Variants in COL6A2 observed in about 807,000 individuals in gnomAD.
COL6A2 encodes the protein collagen type VI alpha 2 chain.
In COL6A2, 90 loss-of-function variants were observed where a neutral mutation model predicts 124.9. The ratio of observed to expected loss-of-function variants is 0.72; its 90% CI spans 0.61 to 0.86. The LOEUF (loss-of-function observed/expected upper bound fraction) is 0.86, where lower values mean the gene tolerates loss of function less well. Ranked by LOEUF, COL6A2 falls within the 40% of genes least tolerant of loss-of-function variation. COL6A2 has a pLI of 0.00. For missense variants in COL6A2, 1,607 were observed against 1,502.5 expected (o/e 1.07, Z -1.15); for synonymous variants, 793 against 618.2 (o/e 1.28, Z -4.19).
rs750794022 is a variant in COL6A2 at position 46,132,487 on chromosome 21, GAGA to G, written c.2998_3000del (p.Lys1000del). On this transcript the variant is annotated inframe_deletion, in exon 28 of 28. Coordinates refer to ENST00000300527, the MANE Select transcript of COL6A2 (RefSeq NM_001849.4). ...GGGTGACCGCGCCGCCGTGTTCCAC[GAGA>G]AGGACTATGACAGCCTGGCGCAACC... The G allele has an allele frequency of 4.8e-5, 77 of 1,607,296 alleles. No homozygotes were observed. In the African/African-American group the frequency reaches 5.1e-4, roughly 11 times the overall value.
chr21:46,112,773 C>G, intron 3 of COL6A2, 31 bp from the exon 4 acceptor site: 1 of 1,613,738 alleles, frequency 6.2e-7, no homozygotes, highest in Non-Finnish European at 8.5e-7. Flanking sequence ...TCGAGGCACA[C>G]GGCTAACCAG....
At chr21:46,107,358 G>T (rs1482539807) in intron 1 of COL6A2, among the ~76,000 whole-genome samples, 1 of 151,856 alleles carries the variant, frequency 6.6e-6, no homozygotes, top group East Asian at 1.9e-4. Context: ...TATATGCTGT[G>T]ACTTACTTTC....
chr21:46,121,571 C>T lies in COL6A2; in HGVS notation c.1474C>T (p.Pro492Ser), dbSNP rs778917725. The change falls in exon 18 of 28, where the codon CCC becomes TCC. Residue 492 changes from proline (P) to serine (S), a missense_variant. Physicochemically the swap from Pro to Ser is moderately conservative, Grantham distance 74. This residue lies in a region of COL6A2 where 1,223 missense variants were observed against 1,052.2 expected (regional missense o/e 1.16). Transcript: ENST00000300527. ...CTGCCCTCAGGGATCTCGGGGAGAC[C>T]CCGGTGATGCAGGACCCCGTGGAGA... is the stretch of plus-strand genomic sequence containing the variant. ...EPGKQGSRGDPGDAGPRGDSG... is the reference protein window; with the variant it reads ...EPGKQGSRGDSGDAGPRGDSG... 1.9e-6 allele frequency: 3 copies of T among 1,612,868 alleles called. No homozygotes were observed. Among genetic ancestry groups the T allele is most frequent in the Non-Finnish European group, 1.7e-6 (2 of 1,179,960 alleles).
At chr21:46,103,577 C>A (rs548890204) in intron 1 of COL6A2, among the ~76,000 whole-genome samples, 1 of 152,138 alleles carries the variant, frequency 6.6e-6, no homozygotes, top group Non-Finnish European at 1.5e-5. Context: ...CTTTCACTGT[C>A]GAACAAGTTT....
At chr21:46,123,705 A>C (rs1229225926) in intron 21 of COL6A2, among the ~76,000 whole-genome samples, 1 of 144,704 alleles carries the variant, frequency 6.9e-6, no homozygotes, top group Non-Finnish European at 1.5e-5. Flanking sequence ...AGGTGGGTAG[A>C]TGGATGGGTG....
At chr21:46,111,916 G>A (rs145563300) in intron 2 of COL6A2, 63 bp from the exon 3 acceptor site, 7 of 1,537,402 alleles carry the variant, frequency 4.6e-6, no homozygotes, top group African/African-American at 1.4e-5. Flanking sequence ...ACGGGGCCAG[G>A]AAACGGGGCT....
chr21:46,126,552 G>T lies in COL6A2; in HGVS notation c.2461+11G>T, dbSNP rs200484565. ...TTCCCTGCCAAACAGGTAATGCAGG[G>T]CACCCTGAGCCACCACCCCAGACTA... On this transcript the variant is annotated intron_variant, in intron 27 of 27. Transcript: ENST00000300527. The T allele has an allele frequency of 6.2e-7, 1 of 1,613,426 alleles. No homozygotes were observed. The highest frequency in any genetic ancestry group is 8.5e-7 in the Non-Finnish European group (1 of 1,179,932).
At chr21:46,128,726 G>C (rs1031436160) in intron 27 of COL6A2, among the ~76,000 whole-genome samples, 2 of 152,238 alleles carry the variant, frequency 1.3e-5, no homozygotes, top group African/African-American at 4.8e-5. Flanking sequence ...GCAGAGGCCA[G>C]GTCTGCTCAG....
intron 27 of COL6A2, among the ~76,000 whole-genome samples, chr21:46,128,433 G>A (rs7280485): frequency 0.33 from 49,542 of 152,124 alleles, 9,287 homozygotes; most frequent in Admixed American, 0.48. Context: ...CAGCCCACAC[G>A]GCCAGGCATC....
chr21:46,131,892 T>C, intron 27 of COL6A2, 62 bp from the exon 28 acceptor site: 1 of 1,448,628 alleles, frequency 6.9e-7, no homozygotes, highest in Non-Finnish European at 9.4e-7. Context: ...GGTGCGGGGC[T>C]GGCACCTGCC....
intron 27 of COL6A2, among the ~76,000 whole-genome samples, chr21:46,128,348 G>A (rs141795741): frequency 3.3e-5 from 5 of 152,336 alleles, no homozygotes; most frequent in Non-Finnish European, 5.9e-5. Context: ...CTTCCCAGCT[G>A]TTTCCAATTT....
At chr21:46,098,406 G>A (rs946671129) in intron 1 of COL6A2, among the ~76,000 whole-genome samples, 1 of 151,722 alleles carries the variant, frequency 6.6e-6, no homozygotes, top group African/African-American at 2.4e-5. Context: ...CGCGCGACTT[G>A]GGGCCACCTC....
intron 5 of COL6A2, 129 bp downstream of exon 5, chr21:46,114,202 G>A (rs967061123): frequency 5.5e-5 from 41 of 745,882 alleles, no homozygotes; most frequent in East Asian, 5.3e-5. Flanking sequence ...CGAGGCGGGC[G>A]GATCACAACG....
In COL6A2 at chr21:46,124,809, A is replaced by G. The variant is rs1296229992; in HGVS notation, c.1735-76A>G. 4 of 1,591,786 alleles carry G rather than the reference A, an allele frequency of 2.5e-6. No individual in the cohort carries two copies. In the African/African-American group the frequency reaches 4.0e-5, roughly 16 times the overall value. On this transcript the variant is annotated intron_variant, in intron 22 of 27. Transcript: ENST00000300527. ...TCTGCCCACGGTGGACCCACGTATCAGTGGGCAGTGGCCTGGGAGAGACTC... is the reference window on the plus strand; with the variant it reads ...TCTGCCCACGGTGGACCCACGTATCGGTGGGCAGTGGCCTGGGAGAGACTC...
chr21:46,110,708 C>G (rs2123610100), intron 1 of COL6A2, among the ~76,000 whole-genome samples: 1 of 151,578 alleles, frequency 6.6e-6, no homozygotes, highest in Non-Finnish European at 1.5e-5. Context: ...ACTGCACGCT[C>G]TGAACCAGGC....
In COL6A2 at chr21:46,116,327, G is replaced by C; in HGVS notation, c.901-50G>C. 1.2e-6 allele frequency: 2 copies of C among 1,606,896 alleles called. No individual in the cohort carries two copies. The highest frequency in any genetic ancestry group is 1.7e-6 in the Non-Finnish European group (2 of 1,175,654). ...CTGCAGGGCTGGCCCTTCCCTGCCT[G>C]TGTCTCTGCAGAGCTCCTCACTAAT... On this transcript the variant is annotated intron_variant, in intron 7 of 27. Coordinates refer to ENST00000300527, the MANE Select transcript of COL6A2 (RefSeq NM_001849.4). This position sits in a 1 kb window ranked among gnomAD's most constrained non-coding sequence, Gnocchi z 4.6.
chr21:46,127,767 C>T (rs554042715), intron 27 of COL6A2, among the ~76,000 whole-genome samples: 1 of 152,240 alleles, frequency 6.6e-6, no homozygotes, highest in Admixed American at 6.5e-5. Context: ...TGTGAGTGGC[C>T]GCTATGGCTT....
At chr21:46,122,730 T>G in intron 20 of COL6A2, 145 bp from the exon 21 acceptor site, 2 of 884,794 alleles carry the variant, frequency 2.3e-6, no homozygotes, top group Non-Finnish European at 3.3e-6. Flanking sequence ...TCAACCAAAG[T>G]TCAGGCTTTG....
rs768339045 is a variant in COL6A2 at position 46,132,190 on chromosome 21, G to A, written c.2698G>A (p.Ala900Thr). Reference protein sequence around the residue: ...VAFPLSHNLTAIHEALETTQY... With the variant: ...VAFPLSHNLTTIHEALETTQY... Reference sequence around the variant, plus strand: ...CTTCCCGCTGAGCCACAACCTCACGGCCATCCACGAGGCGCTGGAGACCAC... The same window carrying A: ...CTTCCCGCTGAGCCACAACCTCACGACCATCCACGAGGCGCTGGAGACCAC... Residue 900 changes from alanine to threonine, a missense_variant, in exon 28 of 28, where the codon GCC becomes ACC. This residue lies in a region of COL6A2 where 1,223 missense variants were observed against 1,052.2 expected (regional missense o/e 1.16). Coordinates refer to ENST00000300527, the MANE Select transcript of COL6A2 (RefSeq NM_001849.4). 5.7e-6 allele frequency: 9 copies of A among 1,576,196 alleles called. No individual in the cohort carries two copies. The highest frequency in any genetic ancestry group is 1.7e-4 in the Middle Eastern group (1 of 6,022).
Sources: gnomAD v4.1 joint callset for allele counts (sites outside exome capture counted in the v4.1 genomes callset) on GRCh38, gnomAD v4.1.1 for gene constraint, gnomAD v4.1.1 regional missense constraint, Gnocchi (gnomAD v3.1) non-coding constraint, MANE v1.5 for transcripts, NCBI Gene and HGNC (gene_info 2026-07-23, HGNC 2026-07-21) for gene names.